ARL15: variants seen among roughly 807,000 people sequenced by gnomAD.
The protein encoded by ARL15 is ADP-ribosylation factor-like protein 15.
In ARL15, 19 loss-of-function variants were observed where a neutral mutation model predicts 25.2. The observed-to-expected ratio is 0.75, with a 90% CI of 0.53 to 1.10. The LOEUF (loss-of-function observed/expected upper bound fraction) is 1.10, where lower values mean the gene tolerates loss of function less well. Among genes scored for constraint, ARL15 ranks in the 50% least tolerant of loss-of-function variants. The pLI is 0.00. For synonymous variants in ARL15, 94 were observed against 86.8 expected, an observed-to-expected ratio of 1.08 and a Z score of -0.46; for missense variants, 220 against 246.0, an observed-to-expected ratio of 0.89 and a Z score of 0.71.
At chr5:54,272,790 G>A (rs1757823390) in intron 1 of ARL15, among the ~76,000 whole-genome samples, 1 of 152,162 alleles carries the variant, frequency 6.6e-6, no homozygotes, top group Non-Finnish European at 1.5e-5. Flanking sequence ...CCTATATGAA[G>A]TTAATATAGA....
chr5:53,944,676 A>G (rs1177771928), intron 4 of ARL15, among the ~76,000 whole-genome samples: 1 of 152,158 alleles, frequency 6.6e-6, no homozygotes, highest in East Asian at 1.9e-4. Flanking sequence ...GCTATTTTCT[A>G]TCCTACTACC....
intron 4 of ARL15, among the ~76,000 whole-genome samples, chr5:54,089,175 C>T (rs755296508): frequency 7.9e-5 from 12 of 152,170 alleles, no homozygotes; most frequent in Non-Finnish European, 1.6e-4. Flanking sequence ...CAGTCCATAA[C>T]GGTTTTTGCC....
intron 4 of ARL15, among the ~76,000 whole-genome samples, chr5:53,924,008 A>G (rs1043857711): frequency 6.6e-6 from 1 of 152,268 alleles, no homozygotes; most frequent in East Asian, 1.9e-4. Flanking sequence ...TTCAATTAGA[A>G]AGCAGAACGT....
At position 54,000,916 on chromosome 5, in the gene ARL15, C is replaced by G. The variant is rs534693850; in HGVS notation, c.462+112286G>C. ...TGAGCCACTGTGCAGTCGCCTAAGA[C>G]CCCACTTTCAAAAGGGGCCCAGGCT... On this transcript the variant is annotated intron_variant, in intron 4 of 4. Transcript: ENST00000504924. 2.0e-5 allele frequency among the ~76,000 whole-genome samples: 3 copies of G among 152,262 alleles called. No homozygotes were observed. The South Asian group carries it at 6.2e-4, about 32-fold the overall frequency.
chr5:54,217,257 A>G (rs1215368009), intron 1 of ARL15, among the ~76,000 whole-genome samples: 1 of 150,718 alleles, frequency 6.6e-6, no homozygotes, highest in East Asian at 1.9e-4. Context: ...CCCATCCTAT[A>G]TGAAATCTTC....
At chr5:53,998,320 A>T (rs1580155212) in intron 4 of ARL15, among the ~76,000 whole-genome samples, 1 of 150,390 alleles carries the variant, frequency 6.6e-6, no homozygotes, top group Non-Finnish European at 1.5e-5. Flanking sequence ...CCAATCTAAC[A>T]CCAGGACTAA....
intron 1 of ARL15, among the ~76,000 whole-genome samples, chr5:54,201,929 G>C (rs572607258): frequency 1.3e-5 from 2 of 152,200 alleles, no homozygotes; most frequent in Admixed American, 1.3e-4. Context: ...AATCAAGAGA[G>C]CAAGCTATGT....
chr5:54,214,722 C>T (rs1363004963), intron 1 of ARL15, among the ~76,000 whole-genome samples: 1 of 152,114 alleles, frequency 6.6e-6, no homozygotes, highest in African/African-American at 2.4e-5. Context: ...GACTTCATTT[C>T]AATGATTGAG....
Position 54,113,618 on chromosome 5 carries a change from C to T in ARL15, c.254-208G>A, listed in dbSNP as rs181700760. On this transcript the variant is annotated intron_variant, in intron 3 of 4. Coordinates refer to ENST00000504924, the MANE Select transcript of ARL15 (RefSeq NM_019087.3). ...CAGTAGAGCCAATAGGTAGATTTGGCCTTGAAGGAAGACACAAAATCCAAG... is the reference window on the plus strand; with the variant it reads ...CAGTAGAGCCAATAGGTAGATTTGGTCTTGAAGGAAGACACAAAATCCAAG... Among the ~76,000 whole-genome samples the T allele has an allele frequency of 2.1e-3, 316 of 152,196 alleles. 1 individual carries two copies. Among genetic ancestry groups the T allele is most frequent in the African/African-American group, 7.3e-3 (305 of 41,518 alleles).
chr5:53,905,661 C>A (rs1745224984), intron 4 of ARL15, among the ~76,000 whole-genome samples: 1 of 152,116 alleles, frequency 6.6e-6, no homozygotes, highest in Non-Finnish European at 1.5e-5. Context: ...TTGAAATTAT[C>A]ATCTGTTTCT....
intron 1 of ARL15, among the ~76,000 whole-genome samples, chr5:54,215,417 C>A (rs1361213867): frequency 2.0e-5 from 3 of 152,124 alleles, no homozygotes; most frequent in Non-Finnish European, 4.4e-5. Context: ...AATCCTAAAA[C>A]ACAACTGTTT....
chr5:53,982,380 C>T (rs1748152472), intron 4 of ARL15, among the ~76,000 whole-genome samples: 1 of 149,092 alleles, frequency 6.7e-6, no homozygotes, highest in South Asian at 2.2e-4. Context: ...GTTCCCCTTC[C>T]TGTGTCCGTG....
chr5:54,282,199 CAT>C (rs1425887182), intron 1 of ARL15: 2 of 965,190 alleles, frequency 2.1e-6, no homozygotes, highest in Non-Finnish European at 2.5e-6. Context: ...CATCACTCCA[CAT>C]GATTTCCAAC....
intron 2 of ARL15, among the ~76,000 whole-genome samples, chr5:54,170,329 G>A (rs1379324638): frequency 5.9e-5 from 9 of 152,004 alleles, no homozygotes; most frequent in South Asian, 2.1e-4. Context: ...CTCCAACTGC[G>A]CTACTCACAA....
At chr5:53,903,929 G>C (rs944726063) in intron 4 of ARL15, among the ~76,000 whole-genome samples, 1 of 152,128 alleles carries the variant, frequency 6.6e-6, no homozygotes, top group South Asian at 2.1e-4. Context: ...GGTGGCCAGC[G>C]ATACTGACAG....
intron 4 of ARL15, among the ~76,000 whole-genome samples, chr5:53,918,766 G>A (rs1292111158): frequency 6.6e-6 from 1 of 151,906 alleles, no homozygotes; most frequent in Non-Finnish European, 1.5e-5. Flanking sequence ...AAAAGAGTCT[G>A]AGTATCTGGA....
intron 1 of ARL15, among the ~76,000 whole-genome samples, chr5:54,247,072 G>A (rs1757108841): frequency 1.3e-5 from 2 of 151,896 alleles, no homozygotes; most frequent in African/African-American, 4.8e-5. Flanking sequence ...AAAATAATTT[G>A]CATTTTTGTT....
rs527391757 is a variant in ARL15, at chr5:53,896,562, C to T, written c.463-9849G>A. 9.9e-4 allele frequency among the ~76,000 whole-genome samples: 151 copies of T among 152,140 alleles called. 1 individual carries two copies. The highest frequency in any genetic ancestry group is 3.6e-3 in the African/African-American group (148 of 41,484). On this transcript the variant is annotated intron_variant, in intron 4 of 4. Transcript: ENST00000504924. ...AGGCTGTATTGCCATGGCATGATCT[C>T]GGCTCACTGCAAGCTCCACCTCCCG...
At chr5:54,193,249 CA>C (rs1561261093) in intron 1 of ARL15, among the ~76,000 whole-genome samples, 1 of 152,116 alleles carries the variant, frequency 6.6e-6, no homozygotes, top group Non-Finnish European at 1.5e-5. Context: ...ATCCATCATC[CA>C]AAGCTTATCC....
Sources: allele counts gnomAD v4.1 joint callset (sites outside exome capture counted in the v4.1 genomes callset), GRCh38; gene constraint gnomAD v4.1.1; transcripts MANE v1.5; gene names NCBI Gene and HGNC (gene_info 2026-07-23, HGNC 2026-07-21).